SORCS2: variants seen among roughly 807,000 people sequenced by gnomAD.
SORCS2 encodes the protein VPS10 domain-containing receptor SorCS2.
SORCS2 carries 100 observed loss-of-function variants against 141.6 expected under a neutral mutation model. The ratio of observed to expected loss-of-function variants is 0.71; its 90% CI spans 0.60 to 0.83. The LOEUF (loss-of-function observed/expected upper bound fraction) is 0.83. Ranked by LOEUF, SORCS2 falls within the 40% of genes least tolerant of loss-of-function variation. The pLI is 0.00. For missense variants in SORCS2, 1,646 were observed against 1,560.2 expected, an observed-to-expected ratio of 1.05 and a Z score of -0.93; for synonymous variants, 789 against 676.9, an observed-to-expected ratio of 1.17 and a Z score of -2.57.
At chr4:7,245,446 G>A (rs1203336364) in intron 1 of SORCS2, among the ~76,000 whole-genome samples, 1 of 152,254 alleles carries the variant, frequency 6.6e-6, no homozygotes, top group African/African-American at 2.4e-5. Context: ...ACAGTCTGAT[G>A]TAATTTCTTT....
At chr4:7,705,227 A>G (rs555914127) in intron 14 of SORCS2, among the ~76,000 whole-genome samples, 1 of 152,112 alleles carries the variant, frequency 6.6e-6, no homozygotes, top group South Asian at 2.1e-4. Context: ...AAGCCCAGGA[A>G]CACCCAGGGC....
intron 1 of SORCS2, among the ~76,000 whole-genome samples, chr4:7,235,986 A>T (rs1436921663): frequency 1.3e-5 from 2 of 152,190 alleles, no homozygotes; most frequent in Non-Finnish European, 2.9e-5. Context: ...TAGATGCTGA[A>T]GATGGAGCAG....
chr4:7,706,418 T>C (rs1469830490), intron 14 of SORCS2, among the ~76,000 whole-genome samples: 1 of 145,532 alleles, frequency 6.9e-6, no homozygotes, highest in Non-Finnish European at 1.5e-5. Flanking sequence ...TGGACAGAGA[T>C]GAGGCTGGGC....
intron 2 of SORCS2, among the ~76,000 whole-genome samples, chr4:7,440,632 CA>C (rs577025802): frequency 6.6e-6 from 1 of 152,224 alleles, no homozygotes; most frequent in African/African-American, 2.4e-5. Context: ...GCCTAGACAG[CA>C]CCATCTTACC....
intron 2 of SORCS2, among the ~76,000 whole-genome samples, chr4:7,460,626 C>G (rs1026786526): frequency 1.3e-5 from 2 of 152,202 alleles, no homozygotes; most frequent in Non-Finnish European, 2.9e-5. Context: ...GTCGGAATTG[C>G]ATGCCGAGAG....
At chr4:7,313,138 A>G (rs1199330401) in intron 1 of SORCS2, among the ~76,000 whole-genome samples, 1 of 152,270 alleles carries the variant, frequency 6.6e-6, no homozygotes, top group Admixed American at 6.5e-5. Context: ...TCACCCAAGC[A>G]AATGAGCTAC....
chr4:7,370,651 C>A (rs1379671209), intron 1 of SORCS2, among the ~76,000 whole-genome samples: 1 of 152,250 alleles, frequency 6.6e-6, no homozygotes, highest in East Asian at 1.9e-4. Flanking sequence ...TGGCGCGGCC[C>A]CTGCCTGCCG....
intron 3 of SORCS2, among the ~76,000 whole-genome samples, chr4:7,622,762 G>A (rs796628617): frequency 2.0e-5 from 3 of 152,242 alleles, no homozygotes; most frequent in African/African-American, 4.8e-5. Flanking sequence ...TGGCCTCCAC[G>A]AGATTGTAGA....
intron 26 of SORCS2, among the ~76,000 whole-genome samples, chr4:7,737,744 C>T (rs993027932): frequency 6.6e-6 from 1 of 152,230 alleles, no homozygotes; most frequent in Admixed American, 6.5e-5. Flanking sequence ...GGCGTAGCAT[C>T]GTTTATGGCC....
chr4:7,476,544 A>G lies in SORCS2; in HGVS notation c.549-54986A>G, dbSNP rs76562871. On this transcript the variant is annotated intron_variant, in intron 2 of 26. Coordinates refer to ENST00000507866, the MANE Select transcript of SORCS2 (RefSeq NM_020777.3). ...TGGATCACTGGGAACCATAGCCTAG[A>G]CAGGTTGACACATAAAACCTGTCAC... Among the ~76,000 whole-genome samples the G allele has an allele frequency of 1.6e-4, 25 of 152,282 alleles. No individual in the cohort carries two copies. The East Asian group carries it at 4.8e-3, about 29-fold the overall frequency.
At chr4:7,585,028 A>G (rs1473164374) in intron 3 of SORCS2, among the ~76,000 whole-genome samples, 2 of 152,152 alleles carry the variant, frequency 1.3e-5, no homozygotes, top group South Asian at 2.1e-4. Flanking sequence ...TGAGAGGGAG[A>G]GAAAGAGCAG....
At chr4:7,557,105 A>T (rs1714190438) in intron 3 of SORCS2, among the ~76,000 whole-genome samples, 1 of 152,204 alleles carries the variant, frequency 6.6e-6, no homozygotes, top group Non-Finnish European at 1.5e-5. Flanking sequence ...ACAAGTGTGC[A>T]AAACACACAA....
chr4:7,334,864 G>T (rs749767718), intron 1 of SORCS2, among the ~76,000 whole-genome samples: 24 of 152,180 alleles, frequency 1.6e-4, no homozygotes, highest in Non-Finnish European at 2.9e-4. Flanking sequence ...GAGCTGGCAG[G>T]GTGGGAGTTC....
chr4:7,566,951 G>A (rs894768028), intron 3 of SORCS2, among the ~76,000 whole-genome samples: 1 of 152,192 alleles, frequency 6.6e-6, no homozygotes, highest in Non-Finnish European at 1.5e-5. Flanking sequence ...AGTGGATGCT[G>A]GGAAATGCAG....
intron 5 of SORCS2, among the ~76,000 whole-genome samples, chr4:7,654,576 G>T (rs1721641869): frequency 6.6e-6 from 1 of 152,152 alleles, no homozygotes; most frequent in Admixed American, 6.5e-5. Context: ...CATGTCCCCA[G>T]CGCAGCACCC....
intron 2 of SORCS2, chr4:7,433,830 A>C (rs750071382): frequency 6.2e-7 from 1 of 1,613,840 alleles, no homozygotes; most frequent in Non-Finnish European, 8.5e-7. Flanking sequence ...TTTTGGCCAC[A>C]AGCTGCACCA....
At chr4:7,677,466 G>A (rs745331597) in intron 9 of SORCS2, among the ~76,000 whole-genome samples, 63 of 152,218 alleles carry the variant, frequency 4.1e-4, no homozygotes, top group African/African-American at 6.5e-4. Context: ...AACCAGGACC[G>A]GCCCAGGCCT....
intron 1 of SORCS2, among the ~76,000 whole-genome samples, chr4:7,274,778 C>G (rs966335089): frequency 1.3e-5 from 2 of 152,194 alleles, no homozygotes; most frequent in African/African-American, 4.8e-5. Context: ...GGAGCCTACT[C>G]TGTGTGGGCC....
intron 3 of SORCS2, among the ~76,000 whole-genome samples, chr4:7,560,311 T>C (rs1483066931): frequency 6.6e-6 from 1 of 152,174 alleles, no homozygotes; most frequent in African/African-American, 2.4e-5. Context: ...TGGGGTGGGA[T>C]GGAGGGCGAG....
Sources: gnomAD v4.1 joint callset for allele counts (sites outside exome capture counted in the v4.1 genomes callset) on GRCh38, gnomAD v4.1.1 for gene constraint, MANE v1.5 for transcripts, NCBI Gene and HGNC (gene_info 2026-07-23, HGNC 2026-07-21) for gene names.